Variants in CCNY observed in about 807,000 individuals in gnomAD.
The protein encoded by CCNY is cyclin-Y.
In CCNY, 19 loss-of-function variants were observed where a neutral mutation model predicts 42.8. That is an observed-to-expected ratio of 0.44 (90% CI 0.31 to 0.65). The LOEUF (loss-of-function observed/expected upper bound fraction) is 0.65, where lower values mean the gene tolerates loss of function less well. Ranked by LOEUF, CCNY falls within the 30% of genes least tolerant of loss-of-function variation. The pLI is 0.07. For synonymous variants in CCNY, 165 were observed against 162.7 expected, an observed-to-expected ratio of 1.01 and a Z score of -0.11; for missense variants, 370 against 437.3, an observed-to-expected ratio of 0.85 and a Z score of 1.37.
intron 1 of CCNY, among the ~76,000 whole-genome samples, chr10:35,409,726 C>T (rs1289442296): frequency 1.3e-5 from 2 of 152,134 alleles, no homozygotes; most frequent in African/African-American, 2.4e-5. Flanking sequence ...AGATTTCCTG[C>T]CCCTATGTGA....
At chr10:35,419,831 G>A (rs1236969170) in intron 1 of CCNY, among the ~76,000 whole-genome samples, 3 of 151,772 alleles carry the variant, frequency 2.0e-5, no homozygotes, top group African/African-American at 4.8e-5. Flanking sequence ...CATTCATACA[G>A]CATTGTGACT....
At chr10:35,547,283 T>C (rs1841135751) in intron 7 of CCNY, among the ~76,000 whole-genome samples, 1 of 152,074 alleles carries the variant, frequency 6.6e-6, no homozygotes, top group Admixed American at 6.6e-5. Context: ...AAAATGAAAA[T>C]CTCCAAAAAT....
intron 1 of CCNY, among the ~76,000 whole-genome samples, chr10:35,387,706 A>G (rs1837328335): frequency 1.3e-5 from 2 of 152,238 alleles, no homozygotes; most frequent in African/African-American, 4.8e-5. Context: ...TTATAAAGCA[A>G]GATAAATGTT....
chr10:35,288,727 A>G (rs1436214802), intron 3 of CCNY, among the ~76,000 whole-genome samples: 1 of 152,202 alleles, frequency 6.6e-6, no homozygotes, highest in African/African-American at 2.4e-5. Context: ...ACCATTTGTT[A>G]GAAGGAATAT....
intron 4 of CCNY, among the ~76,000 whole-genome samples, chr10:35,519,885 C>T (rs1293550259): frequency 6.9e-6 from 1 of 144,302 alleles, no homozygotes; most frequent in African/African-American, 2.6e-5. Flanking sequence ...TCAAGAGATC[C>T]TCCCGCCTTA....
chr10:35,321,300 G>A (rs1024432186), intron 3 of CCNY, among the ~76,000 whole-genome samples: 9 of 152,056 alleles, frequency 5.9e-5, no homozygotes, highest in African/African-American at 9.7e-5. Context: ...GATATACTAT[G>A]TCTATGAACT....
chr10:35,358,418 TGCTCTCAAGGATG>T (rs1836609189), intron 1 of CCNY, among the ~76,000 whole-genome samples: 1 of 152,228 alleles, frequency 6.6e-6, no homozygotes, highest in Non-Finnish European at 1.5e-5. Flanking sequence ...GTTATGTATC[TGCTCTCAAGGATG>T]GCAGGATTCA....
chr10:35,546,512 G>A (rs934807650), intron 7 of CCNY, among the ~76,000 whole-genome samples: 1 of 152,186 alleles, frequency 6.6e-6, no homozygotes, highest in African/African-American at 2.4e-5. Context: ...AAAATCAACC[G>A]TGTATTATTT....
chr10:35,340,336 T>G (rs1170026180), intron 1 of CCNY, among the ~76,000 whole-genome samples: 2 of 152,154 alleles, frequency 1.3e-5, no homozygotes, highest in Admixed American at 1.3e-4. Context: ...CAGCAGTTAT[T>G]CAGTCCAGAC....
chr10:35,269,280 TCC>T, intron 3 of CCNY, among the ~76,000 whole-genome samples: 4 of 151,082 alleles, frequency 2.6e-5, no homozygotes, highest in Admixed American at 2.6e-4. Context: ...CTTCCTTCCT[TCC>T]TTCCTTCCTT....
Position 35,569,252 on chromosome 10 carries a change from T to A in CCNY, c.*82T>A. ...AAGACAGACTTGGGGTGGGTTTGTTTTTGTTTTTTCTTTCCTTTTCTTTTT... is the reference window on the plus strand; with the variant it reads ...AAGACAGACTTGGGGTGGGTTTGTTATTGTTTTTTCTTTCCTTTTCTTTTT... On this transcript the variant is annotated 3_prime_UTR_variant, in exon 10 of 10. Coordinates refer to ENST00000374704, the MANE Select transcript of CCNY (RefSeq NM_145012.6). The A allele has an allele frequency of 1.1e-6, 1 of 915,382 alleles. No individual in the cohort carries two copies. Among genetic ancestry groups the A allele is most frequent in the Non-Finnish European group, 1.8e-6 (1 of 566,308 alleles). 56.7% of individuals were successfully genotyped at this position (915,382 alleles called of 1,614,324 possible). A position where few individuals can be genotyped will look rare whatever the true frequency, so the allele number is the denominator to read the frequency against.
intron 2 of CCNY, among the ~76,000 whole-genome samples, chr10:35,489,008 G>A (rs543488858): frequency 2.6e-5 from 4 of 152,172 alleles, no homozygotes; most frequent in East Asian, 3.9e-4. Flanking sequence ...GGCCGGGCAC[G>A]GTGGCTCACG....
intron 1 of CCNY, among the ~76,000 whole-genome samples, chr10:35,464,415 T>A (rs1433315522): frequency 6.6e-6 from 1 of 152,164 alleles, no homozygotes; most frequent in Non-Finnish European, 1.5e-5. Flanking sequence ...CGTGCGGTCA[T>A]AATGGTGTTT....
At chr10:35,529,286 A>G (rs1321002168) in intron 5 of CCNY, among the ~76,000 whole-genome samples, 2 of 152,222 alleles carry the variant, frequency 1.3e-5, no homozygotes, top group Non-Finnish European at 2.9e-5. Flanking sequence ...ATTGATATTC[A>G]TTCTTACCCT....
rs112316949 is a variant in CCNY, at chr10:35,363,354, C to T, written c.154+26147C>T. ...CTCTCTTCCCAGACAGTGGGGCGGCCGGGCAGAGGTGCTTCTCACTTCCCA... is the reference window on the plus strand; with the variant it reads ...CTCTCTTCCCAGACAGTGGGGCGGCTGGGCAGAGGTGCTTCTCACTTCCCA... On this transcript the variant is annotated intron_variant, in intron 1 of 9. Coordinates refer to ENST00000374704, the MANE Select transcript of CCNY (RefSeq NM_145012.6). 3.8e-3 allele frequency among the ~76,000 whole-genome samples: 563 copies of T among 149,482 alleles called. 5 individuals carry two copies. Among genetic ancestry groups the T allele is most frequent in the African/African-American group, 0.012 (481 of 39,340 alleles).
chr10:35,307,812 A>ATT (rs1835630149), intron 3 of CCNY, among the ~76,000 whole-genome samples: 1 of 64,856 alleles, frequency 1.5e-5, no homozygotes, highest in African/African-American at 4.7e-5. Flanking sequence ...ATATATATAT[A>ATT]TATATATTTT....
chr10:35,506,890 G>C (rs773256482), intron 3 of CCNY, among the ~76,000 whole-genome samples: 50 of 152,288 alleles, frequency 3.3e-4, no homozygotes, highest in Non-Finnish European at 3.5e-4. Context: ...CAGCTGCCTG[G>C]TTTTCACATT....
At chr10:35,297,330 A>G (rs1835482882) in intron 3 of CCNY, among the ~76,000 whole-genome samples, 1 of 152,154 alleles carries the variant, frequency 6.6e-6, no homozygotes, top group African/African-American at 2.4e-5. Flanking sequence ...ACTCTCAATA[A>G]ACAAGGCATT....
intron 1 of CCNY, among the ~76,000 whole-genome samples, chr10:35,401,547 C>T (rs1837644730): frequency 1.3e-5 from 2 of 151,278 alleles, no homozygotes; most frequent in African/African-American, 4.9e-5. Context: ...CAAGCAAAGG[C>T]ATCTTCCTTT....
Sources: allele counts gnomAD v4.1 joint callset (sites outside exome capture counted in the v4.1 genomes callset), GRCh38; gene constraint gnomAD v4.1.1; transcripts MANE v1.5; gene names NCBI Gene and HGNC (gene_info 2026-07-23, HGNC 2026-07-21).